The following TLN2 variants were observed in gnomAD, a reference collection of about 807,000 sequenced individuals.
The protein encoded by TLN2 is talin-2.
Under a neutral mutation model 294.7 loss-of-function variants are expected in TLN2, and 118 were observed. The ratio of observed to expected loss-of-function variants is 0.40; its 90% CI spans 0.34 to 0.47. The LOEUF is 0.47. TLN2 is among the 20% of genes least tolerant of loss of function. TLN2 has a pLI of 0.84. For missense variants in TLN2, 3,083 were observed against 3,282.2 expected, an observed-to-expected ratio of 0.94 and a Z score of 1.48; for synonymous variants, 1,431 against 1,304.5, an observed-to-expected ratio of 1.10 and a Z score of -2.09.
intron 1 of TLN2, among the ~76,000 whole-genome samples, chr15:62,504,846 T>TGTGAGAGA (rs1207922838): frequency 2.8e-5 from 4 of 144,392 alleles, no homozygotes; most frequent in African/African-American, 5.3e-5. Flanking sequence ...TGTGTGTGTG[T>TGTGAGAGA]GAGAGAGAGA....
intron 3 of TLN2, chr15:62,637,111 G>A (rs1365253200): frequency 3.3e-5 from 5 of 152,180 alleles, no homozygotes; most frequent in Admixed American, 6.5e-5. Flanking sequence ...AAGGGTCAAC[G>A]AAAACAAGTA....
intron 1 of TLN2, among the ~76,000 whole-genome samples, chr15:62,561,081 C>T (rs936840230): frequency 1.3e-5 from 2 of 152,198 alleles, no homozygotes; most frequent in African/African-American, 4.8e-5. Context: ...GAGAACTAGC[C>T]CCATTCAGGA....
rs76642436 is a variant in TLN2 at position 62,596,927 on chromosome 15, G to A, written c.-162+7165G>A. Among the ~76,000 whole-genome samples the A allele has an allele frequency of 3.0e-3, 460 of 151,924 alleles. 2 individuals are homozygous for A. Among genetic ancestry groups the A allele is most frequent in the Non-Finnish European group, 5.5e-3 (376 of 67,952 alleles). On this transcript the variant is annotated intron_variant, in intron 2 of 58. Coordinates refer to ENST00000636159, the MANE Select transcript of TLN2 (RefSeq NM_015059.3). ...GTAGATTGTTTTTGCTTCTTTTACG[G>A]GGGCTTCCACACGTAAAAACATGGT...
Position 62,675,851 on chromosome 15 carries a change from G to A in TLN2, c.957+530G>A, listed in dbSNP as rs114675143. On this transcript the variant is annotated intron_variant, in intron 11 of 58. Transcript: ENST00000636159. Reference sequence around the variant, plus strand: ...TGTACCTGTGAGCAAGTCCAGGTTGGCCCTTGATGGGTGTCATCTTCACTT... The same window carrying A: ...TGTACCTGTGAGCAAGTCCAGGTTGACCCTTGATGGGTGTCATCTTCACTT... Among the ~76,000 whole-genome samples, 326 of 152,302 alleles carry A rather than the reference G, an allele frequency of 2.1e-3. 2 individuals are homozygous for A. Among genetic ancestry groups the A allele is most frequent in the African/African-American group, 7.6e-3 (317 of 41,560 alleles).
At chr15:62,469,413 A>G (rs1248512895) in intron 1 of TLN2, among the ~76,000 whole-genome samples, 1 of 152,246 alleles carries the variant, frequency 6.6e-6, no homozygotes, top group African/African-American at 2.4e-5. Context: ...AGTCCCTTTC[A>G]CAATGCTGCT....
intron 12 of TLN2, among the ~76,000 whole-genome samples, chr15:62,692,570 G>T (rs181366366): frequency 2.4e-4 from 36 of 152,270 alleles, no homozygotes; most frequent in African/African-American, 8.7e-4. Context: ...AGTCTTGGGG[G>T]TATATGGGAT....
chr15:62,837,598 C>A (rs2069880307), intron 57 of TLN2, among the ~76,000 whole-genome samples: 1 of 152,128 alleles, frequency 6.6e-6, no homozygotes, highest in Non-Finnish European at 1.5e-5. Flanking sequence ...TTTATTTGAG[C>A]CCCTTATAAA....
intron 1 of TLN2, among the ~76,000 whole-genome samples, chr15:62,410,103 G>A (rs902692792): frequency 7.9e-5 from 12 of 152,168 alleles, no homozygotes; most frequent in African/African-American, 1.4e-4. Flanking sequence ...TTAGCCGGGC[G>A]TGGTGGTGTG....
At chr15:62,695,353 C>T (rs1397763280) in intron 14 of TLN2, among the ~76,000 whole-genome samples, 1 of 152,182 alleles carries the variant, frequency 6.6e-6, no homozygotes, top group South Asian at 2.1e-4. Context: ...GCGATGGGGA[C>T]AATCCTGACC....
chr15:62,824,095 A>G (rs909787221), intron 54 of TLN2: 1 of 435,530 alleles, frequency 2.3e-6, no homozygotes, highest in East Asian at 6.5e-5. Context: ...AGAACACGTT[A>G]AAATCACAAG....
intron 1 of TLN2, among the ~76,000 whole-genome samples, chr15:62,411,815 G>A (rs1422199359): frequency 3.3e-5 from 5 of 152,140 alleles, no homozygotes; most frequent in African/African-American, 1.2e-4. Flanking sequence ...CTAGAAGCAG[G>A]GGCTAGGCTG....
At position 62,835,905 on chromosome 15, in the gene TLN2, G is replaced by A. The variant is rs74020685; in HGVS notation, c.7206G>A (p.Ala2402=). 12 of 1,614,072 alleles carry A rather than the reference G, an allele frequency of 7.4e-6. No individual in the cohort carries two copies. Among genetic ancestry groups the A allele is most frequent in the South Asian group, 2.2e-5 (2 of 91,082 alleles). The part of the protein sequence containing the change: ...QGLISAARMV[A]AATSSLCEAA... ...ACTGTCCCCAGGCCCGGATGGTGGC[G>A]GCTGCGACCAGCAGTCTCTGTGAGG... The change falls in exon 57 of 59, where the codon GCG becomes GCA. Residue 2402 remains alanine (A), a synonymous_variant. Transcript: ENST00000636159.
intron 52 of TLN2, among the ~76,000 whole-genome samples, chr15:62,817,533 C>T (rs925301870): frequency 2.0e-5 from 3 of 152,134 alleles, no homozygotes; most frequent in African/African-American, 4.8e-5. Context: ...TCCATTTGTG[C>T]GTACGCATAA....
At chr15:62,706,577 T>C (rs1209983013) in intron 19 of TLN2, among the ~76,000 whole-genome samples, 1 of 152,194 alleles carries the variant, frequency 6.6e-6, no homozygotes, top group Non-Finnish European at 1.5e-5. Flanking sequence ...CCTCTGGAGG[T>C]AGAGATATGG....
chr15:62,693,827 C>G (rs929543257), intron 13 of TLN2, among the ~76,000 whole-genome samples: 2 of 151,808 alleles, frequency 1.3e-5, no homozygotes, highest in East Asian at 1.9e-4. Context: ...TATTATTATG[C>G]TTTTGTTCAT....
In TLN2 at chr15:62,844,624, G is replaced by A. The variant is rs1029479302; in HGVS notation, c.*4014G>A. Reference sequence around the variant, plus strand: ...TATTTGCCAGAAATAAACCTTTAAAGGAACAAACCTGTGTGGAGGACTCAT... The same window carrying A: ...TATTTGCCAGAAATAAACCTTTAAAAGAACAAACCTGTGTGGAGGACTCAT... On this transcript the variant is annotated 3_prime_UTR_variant, in exon 59 of 59. Transcript: ENST00000636159. The A allele has an allele frequency of 2.6e-5, 4 of 152,040 alleles. No individual in the cohort carries two copies. Among genetic ancestry groups the A allele is most frequent in the African/African-American group, 7.3e-5 (3 of 41,376 alleles). The allele number at this position is 152,040 out of a possible 1,614,324, so 9.4% of individuals were successfully genotyped here.
Position 62,842,293 on chromosome 15 carries a change from G to T in TLN2, c.*1683G>T, listed in dbSNP as rs189706328. On this transcript the variant is annotated 3_prime_UTR_variant, in exon 59 of 59. Coordinates refer to ENST00000636159, the MANE Select transcript of TLN2 (RefSeq NM_015059.3). ...TGTGTAGGACACTGACAGTGTGTGGGCACCAGTTCTGAAGAGGAGGGGAGC... is the reference window on the plus strand; with the variant it reads ...TGTGTAGGACACTGACAGTGTGTGGTCACCAGTTCTGAAGAGGAGGGGAGC... 6.6e-6 allele frequency: 1 copy of T among 152,162 alleles called. No individual in the cohort carries two copies. Among genetic ancestry groups the T allele is most frequent in the African/African-American group, 2.4e-5 (1 of 41,416 alleles). The allele number at this position is 152,162 out of a possible 1,614,324, so 9.4% of individuals were successfully genotyped here. A position where few individuals can be genotyped will look rare whatever the true frequency, so the allele number is the denominator to read the frequency against.
rs183672565 is a variant in TLN2 at position 62,615,328 on chromosome 15, G to T, written c.-161-3023G>T. Among the ~76,000 whole-genome samples the T allele has an allele frequency of 3.0e-4, 45 of 152,190 alleles. No individual in the cohort carries two copies. In the East Asian group the frequency reaches 6.8e-3, roughly 23 times the overall value. On this transcript the variant is annotated intron_variant, in intron 2 of 58. Coordinates refer to ENST00000636159, the MANE Select transcript of TLN2 (RefSeq NM_015059.3). ...TTCTTTTTGCACTCATACTTCTTTG[G>T]CCCATAGCATATTTAAATATGCAAT... is the stretch of plus-strand genomic sequence containing the variant.
At chr15:62,725,310 A>T (rs1334964302) in intron 27 of TLN2, among the ~76,000 whole-genome samples, 3 of 152,210 alleles carry the variant, frequency 2.0e-5, no homozygotes, top group Non-Finnish European at 4.4e-5. Context: ...TGTATCATCA[A>T]CTAGCTGTGC....
Sources: gnomAD v4.1 joint callset for allele counts (sites outside exome capture counted in the v4.1 genomes callset) on GRCh38, gnomAD v4.1.1 for gene constraint, MANE v1.5 for transcripts, NCBI Gene and HGNC (gene_info 2026-07-23, HGNC 2026-07-21) for gene names.